NOS3: variants seen among roughly 807,000 people sequenced by gnomAD.
NOS3 encodes the protein NOS type III.
Under a neutral mutation model 144.9 loss-of-function variants are expected in NOS3, and 98 were observed. The ratio of observed to expected loss-of-function variants is 0.68; its 90% confidence interval spans 0.57 to 0.80. The LOEUF (loss-of-function observed/expected upper bound fraction) is 0.80. Among genes scored for constraint, NOS3 ranks in the 30% least tolerant of loss-of-function variants. The pLI, the probability that NOS3 is intolerant of heterozygous loss-of-function variation, is 0.00. For synonymous variants in NOS3, 714 were observed against 702.4 expected (o/e 1.02, Z -0.26); for missense variants, 1,465 against 1,656.4 (o/e 0.88, Z 2.01).
chr7:151,002,019 T>C lies in NOS3; in HGVS notation c.1647+54T>C. On this transcript the variant is annotated intron_variant, in intron 13 of 26. Coordinates refer to ENST00000297494, the MANE Select transcript of NOS3 (RefSeq NM_000603.5). The surrounding 1 kb of genome is among the most constrained non-coding windows in gnomAD (Gnocchi z 4.1). ...CTAGAAAGAGGGGGCTCTATCAGCA[T>C]CTTCAGGGGTGCCCTGGAGGACAGG... 1 of 1,599,954 alleles carries C rather than the reference T, an allele frequency of 6.3e-7. No homozygotes were observed. Among genetic ancestry groups the C allele is most frequent in the Non-Finnish European group, 8.5e-7 (1 of 1,170,644 alleles).
rs1056355370 is a variant in NOS3, at chr7:150,998,300, C to T, written c.583-57C>T. On this transcript the variant is annotated intron_variant, in intron 5 of 26. Transcript: ENST00000297494. The surrounding 1 kb of genome is among the most constrained non-coding windows in gnomAD (Gnocchi z 5.0). ...ACCAGCAGCTCCTCTGGAGCTGATA[C>T]TCAAGACCCCCCGTCTCTCTCCTCA... 6 of 1,514,352 alleles carry T rather than the reference C, an allele frequency of 4.0e-6. No homozygotes were observed. Among genetic ancestry groups the T allele is most frequent in the Admixed American group, 1.9e-5 (1 of 53,496 alleles). The allele number at this position is 1,514,352 out of a possible 1,614,324, so 93.8% of individuals were successfully genotyped here. A position where few individuals can be genotyped will look rare whatever the true frequency, so the allele number is the denominator to read the frequency against.
chr7:151,003,461 C>T lies in NOS3; in HGVS notation c.1752+1157C>T. 1 of 1,220,144 alleles carries T rather than the reference C, an allele frequency of 8.2e-7. No individual in the cohort carries two copies. The highest frequency in any genetic ancestry group is 1.1e-6 in the Non-Finnish European group (1 of 951,672). The allele number at this position is 1,220,144 out of a possible 1,614,324, so 75.6% of individuals were successfully genotyped here. A position where few individuals can be genotyped will look rare whatever the true frequency, so the allele number is the denominator to read the frequency against. The stretch of plus-strand genomic sequence containing the variant: ...TAAGCAAGTTGGAATCTCGTGAAAC[C>T]CTTTTTGCTGCCTTAGTGTCCGTTT... On this transcript the variant is annotated intron_variant, in intron 14 of 26. Transcript: ENST00000297494. The surrounding 1 kb of genome is among the most constrained non-coding windows in gnomAD (Gnocchi z 4.1).
rs1795158504 is a variant in NOS3 at position 151,003,506 on chromosome 7, C to T, written c.1752+1202C>T. The T allele has an allele frequency of 2.5e-5, 31 of 1,254,194 alleles. No individual in the cohort carries two copies. The South Asian group carries it at 4.2e-4, about 17-fold the overall frequency. The allele number at this position is 1,254,194 out of a possible 1,614,324, so 77.7% of individuals were successfully genotyped here. On this transcript the variant is annotated intron_variant, in intron 14 of 26. Transcript: ENST00000297494. This position sits in a 1 kb window ranked among gnomAD's most constrained non-coding sequence, Gnocchi z 4.1. ...CCGTTTCAGCCCTCATTCTGACCTA[C>T]CTTTTCAAGAAAAATAGCACCAGCA...
rs1165567150 is a variant in NOS3 at position 151,002,046 on chromosome 7, A to T, written c.1647+81A>T. 2.0e-5 allele frequency: 32 copies of T among 1,564,710 alleles called. No homozygotes were observed. Among genetic ancestry groups the T allele is most frequent in the Non-Finnish European group, 2.6e-5 (30 of 1,144,652 alleles). On this transcript the variant is annotated intron_variant, in intron 13 of 26. Transcript: ENST00000297494. This position sits in a 1 kb window ranked among gnomAD's most constrained non-coding sequence, Gnocchi z 4.1. Reference sequence around the variant, plus strand: ...TTCAGGGGTGCCCTGGAGGACAGGAAGTGTTACAAGTCAGGACTCATGAGG... The same window carrying T: ...TTCAGGGGTGCCCTGGAGGACAGGATGTGTTACAAGTCAGGACTCATGAGG...
chr7:151,001,583 A>G lies in NOS3; in HGVS notation c.1468A>G (p.Ile490Val). The G allele has an allele frequency of 6.2e-7, 1 of 1,614,022 alleles. No individual in the cohort carries two copies. Among genetic ancestry groups the G allele is most frequent in the African/African-American group, 1.3e-5 (1 of 75,068 alleles). ...WKGSAAKGTGITRKKTFKEVA... is the reference protein window; with the variant it reads ...WKGSAAKGTGVTRKKTFKEVA... ...GGGGAGTGCCGCCAAGGGCACCGGCATCACCAGGAAGAAGACCTTTAAAGA... is the reference window on the plus strand; with the variant it reads ...GGGGAGTGCCGCCAAGGGCACCGGCGTCACCAGGAAGAAGACCTTTAAAGA... The change falls in exon 12 of 27, where the codon ATC becomes GTC. Residue 490 changes from isoleucine (I) to valine (V), a missense_variant. Ile to Val is a conservative substitution (Grantham distance 29). Coordinates refer to ENST00000297494, the MANE Select transcript of NOS3 (RefSeq NM_000603.5).
chr7:151,012,475 G>A lies in NOS3; in HGVS notation c.3106+3G>A, dbSNP rs752465137. The A allele has an allele frequency of 4.3e-6, 7 of 1,612,022 alleles. No homozygotes were observed. In the East Asian group the frequency reaches 8.9e-5, roughly 21 times the overall value. ...GCTGCATGACATTGAGAGCAAAGGT[G>A]AGGCTGGGGACTAAAGGACTGCCTG... On this transcript the variant is annotated splice_donor_region_variant and intron_variant, in intron 24 of 26. Transcript: ENST00000297494.
At position 151,013,328 on chromosome 7, in the gene NOS3, G is replaced by T. The variant is rs763749280; in HGVS notation, c.3204G>T (p.Gly1068=). ...AGGTGCAGAACGCCCAGCAGCGCGGGGTGTTTGGCCGAGTCCTCACCGCCT... is the reference window on the plus strand; with the variant it reads ...AGGTGCAGAACGCCCAGCAGCGCGGTGTGTTTGGCCGAGTCCTCACCGCCT... ...RDEVQNAQQR[G]VFGRVLTAFS... Residue 1068 remains glycine, a synonymous_variant, in exon 25 of 27, where the codon GGG becomes GGT. Coordinates refer to ENST00000297494, the MANE Select transcript of NOS3 (RefSeq NM_000603.5). 5.6e-6 allele frequency: 9 copies of T among 1,613,970 alleles called. No homozygotes were observed. The highest frequency in any genetic ancestry group is 3.4e-6 in the Non-Finnish European group (4 of 1,179,984).
rs1318836283 is a variant in NOS3 at position 151,014,362 on chromosome 7, G to A, written c.*193G>A. The A allele has an allele frequency of 6.4e-6, 4 of 622,364 alleles. No individual in the cohort carries two copies. Among genetic ancestry groups the A allele is most frequent in the Non-Finnish European group, 1.1e-5 (4 of 376,946 alleles). 38.6% of individuals were successfully genotyped at this position (622,364 alleles called of 1,614,324 possible). A position where few individuals can be genotyped will look rare whatever the true frequency, so the allele number is the denominator to read the frequency against. On this transcript the variant is annotated 3_prime_UTR_variant, in exon 27 of 27. Transcript: ENST00000297494. ...TTTCCCTCTCTAGGCCTGTTGCCTC[G>A]GGCCTGGGTCCGCCTTAATCTGGAA...
At chr7:151,009,376 G>T in intron 19 of NOS3, 22 bp from the exon 20 acceptor site, 1 of 1,164,462 alleles carries the variant, frequency 8.6e-7, no homozygotes. Context: ...CTCCCCATAA[G>T]TGCCCCTCTC....
chr7:150,998,868 A>G lies in NOS3; in HGVS notation c.817-78A>G. 1 of 1,539,842 alleles carries G rather than the reference A, an allele frequency of 6.5e-7. No individual in the cohort carries two copies. Among genetic ancestry groups the G allele is most frequent in the African/African-American group, 1.4e-5 (1 of 72,548 alleles). ...AATGAGGGACCCTGGAGATGAAGGC[A>G]GGAGACAGTGGATGGAGGGGTCCCT... On this transcript the variant is annotated intron_variant, in intron 7 of 26. Transcript: ENST00000297494. The surrounding 1 kb of genome is among the most constrained non-coding windows in gnomAD (Gnocchi z 5.0).
chr7:151,006,616 C>A, intron 15 of NOS3, 122 bp downstream of exon 15: 2 of 836,252 alleles, frequency 2.4e-6, no homozygotes, highest in Non-Finnish European at 1.9e-6. Context: ...AAAGCCAGGG[C>A]TCCAGGATGC....
Position 150,993,609 on chromosome 7 carries a change from A to G in NOS3, c.-51-144A>G. 1 of 561,444 alleles carries G rather than the reference A, an allele frequency of 1.8e-6. No individual in the cohort carries two copies. Among genetic ancestry groups the G allele is most frequent in the Admixed American group, 3.7e-5 (1 of 27,084 alleles). The allele number at this position is 561,444 out of a possible 1,614,324, so 34.8% of individuals were successfully genotyped here. A position where few individuals can be genotyped will look rare whatever the true frequency, so the allele number is the denominator to read the frequency against. ...CGTCCGGCCCCCCACCCTTCAGGCC[A>G]GCGGGCGTGGAGCTGAGGCTTTAGA... On this transcript the variant is annotated intron_variant, in intron 1 of 26. Coordinates refer to ENST00000297494, the MANE Select transcript of NOS3 (RefSeq NM_000603.5). This position sits in a 1 kb window ranked among gnomAD's most constrained non-coding sequence, Gnocchi z 4.0.
rs760324893 is a variant in NOS3, at chr7:151,010,124, C to T, written c.2522C>T (p.Pro841Leu). The T allele has an allele frequency of 1.9e-6, 3 of 1,598,110 alleles. No individual in the cohort carries two copies. The South Asian group carries it at 3.3e-5, about 18-fold the overall frequency. ...TGTGCACTATCCCCAGGTGGCCCTC[C>T]CCCCGGCTGGGTGCGGGACCCCCGG... Reference protein sequence around the residue: ...QLEKGSPGGPPPGWVRDPRLP... With the variant: ...QLEKGSPGGPLPGWVRDPRLP... Residue 841 changes from proline to leucine, a missense_variant, in exon 21 of 27, where the codon CCC becomes CTC. Physicochemically the swap from Pro to Leu is moderately conservative, Grantham distance 98 (BLOSUM62 -3). This residue lies in a region of NOS3 where 745 missense variants were observed against 853.9 expected (regional missense o/e 0.87). Transcript: ENST00000297494.
intron 15 of NOS3, 149 bp from the exon 16 acceptor site, chr7:151,006,740 C>T: frequency 1.4e-6 from 1 of 737,106 alleles, no homozygotes; most frequent in Non-Finnish European, 2.3e-6. Context: ...GCTCGGAACC[C>T]CAGGGATGCT....
intron 9 of NOS3, 138 bp from the exon 10 acceptor site, chr7:151,000,360 C>T (rs1265493510): frequency 1.4e-5 from 9 of 639,668 alleles, no homozygotes; most frequent in Non-Finnish European, 2.3e-5. Context: ...TGAACCAGCC[C>T]CCTAGGCAGC....
In NOS3 at chr7:151,010,633, T is replaced by C; in HGVS notation, c.2722T>C (p.Cys908Arg). The change falls in exon 22 of 27, where the codon TGC (cysteine) becomes CGC (arginine). Residue 908 changes from cysteine to arginine, a missense_variant. This residue lies in a region of NOS3 where 745 missense variants were observed against 853.9 expected (regional missense o/e 0.87). Coordinates refer to ENST00000297494, the MANE Select transcript of NOS3 (RefSeq NM_000603.5). ...RRYEEWKWFR[C>R]PTLLEVLEQF... ...CTACGAGGAGTGGAAGTGGTTCCGC[T>C]GCCCCACGCTGCTGGAGGTGCTGGA... The C allele has an allele frequency of 6.2e-7, 1 of 1,604,006 alleles. No homozygotes were observed.
At chr7:151,000,723 C>A (rs192330881) in intron 10 of NOS3, 124 bp downstream of exon 10, 1 of 679,104 alleles carries the variant, frequency 1.5e-6, no homozygotes, top group Non-Finnish European at 2.6e-6. Flanking sequence ...GAAGAAGTTC[C>A]GTAGTCCCAG....
intron 2 of NOS3, 42 bp downstream of exon 2, chr7:150,994,003 G>C (rs1406117370): frequency 1.3e-6 from 2 of 1,531,720 alleles, no homozygotes; most frequent in Admixed American, 2.0e-5. Flanking sequence ...AACAAGGGTG[G>C]TGTCAAGGCC....
intron 2 of NOS3, 63 bp downstream of exon 2, chr7:150,994,024 G>C: frequency 6.7e-7 from 1 of 1,501,394 alleles, no homozygotes; most frequent in Non-Finnish European, 8.9e-7. Context: ...TGAAGCCTGG[G>C]GCTGGGAAGG....
Sources: allele counts gnomAD v4.1 joint callset, GRCh38; gene constraint gnomAD v4.1.1; regional missense constraint gnomAD v4.1.1; non-coding constraint Gnocchi (gnomAD v3.1); transcripts MANE v1.5; gene names NCBI Gene and HGNC (gene_info 2026-07-23, HGNC 2026-07-21).